DNM3: variants seen among roughly 807,000 people sequenced by gnomAD.
The protein encoded by DNM3 is dynamin-3.
DNM3 carries 47 observed loss-of-function variants against 101.6 expected under a neutral mutation model. The ratio of observed to expected loss-of-function variants is 0.46; its 90% CI spans 0.37 to 0.59. The LOEUF (loss-of-function observed/expected upper bound fraction) is 0.59. Ranked by LOEUF, DNM3 falls within the 20% of genes least tolerant of loss-of-function variation. DNM3 has a pLI of 0.00. For synonymous variants in DNM3, 385 were observed against 387.9 expected, an observed-to-expected ratio of 0.99 and a Z score of 0.09; for missense variants, 849 against 1,085.7, an observed-to-expected ratio of 0.78 and a Z score of 3.06.
chr1:171,924,919 G>A (rs1006442569), intron 2 of DNM3, among the ~76,000 whole-genome samples: 1 of 143,554 alleles, frequency 7.0e-6, no homozygotes, highest in East Asian at 2.1e-4. Flanking sequence ...CCCTTTTTGA[G>A]ATGGAGTCTC....
chr1:171,966,873 G>A (rs2043625866), intron 2 of DNM3, among the ~76,000 whole-genome samples: 1 of 152,186 alleles, frequency 6.6e-6, no homozygotes, highest in Non-Finnish European at 1.5e-5. Context: ...AAGGTTTGTA[G>A]TTGCTTATCA....
intron 2 of DNM3, among the ~76,000 whole-genome samples, chr1:171,929,192 T>C (rs1452798810): frequency 6.6e-6 from 1 of 151,980 alleles, no homozygotes; most frequent in Non-Finnish European, 1.5e-5. Flanking sequence ...AGAATGGTTA[T>C]GTTGCCCAAA....
chr1:172,046,583 GA>G lies in DNM3; in HGVS notation c.1197-2020del, dbSNP rs5778718. ...TAATAAAAAAAAGAAAGAAAAAAGA[GA>G]AAAAAAAATTTAGACAATCTGCTCC... On this transcript the variant is annotated intron_variant, in intron 9 of 20. Coordinates refer to ENST00000627582, the MANE Select transcript of DNM3 (RefSeq NM_015569.5). 3.2e-4 allele frequency among the ~76,000 whole-genome samples: 48 copies of G among 151,224 alleles called. No individual in the cohort carries two copies. The East Asian group carries it at 6.2e-3, about 20-fold the overall frequency.
intron 1 of DNM3, among the ~76,000 whole-genome samples, chr1:171,877,719 A>C (rs1028150741): frequency 5.3e-5 from 8 of 152,084 alleles, no homozygotes; most frequent in African/African-American, 9.7e-5. Flanking sequence ...TTAAAAAAAA[A>C]CTCTGCTTTT....
intron 15 of DNM3, among the ~76,000 whole-genome samples, chr1:172,303,779 A>G (rs2064604002): frequency 6.6e-6 from 1 of 152,182 alleles, no homozygotes; most frequent in African/African-American, 2.4e-5. Context: ...CAGCCAAACT[A>G]AGCTTCATAA....
intron 17 of DNM3, among the ~76,000 whole-genome samples, chr1:172,327,017 T>A (rs1338313277): frequency 6.6e-6 from 1 of 152,150 alleles, no homozygotes; most frequent in Non-Finnish European, 1.5e-5. Context: ...GAAGGATCAT[T>A]TTAAAGGAGA....
intron 15 of DNM3, among the ~76,000 whole-genome samples, chr1:172,259,366 T>G (rs2062550825): frequency 6.6e-6 from 1 of 152,134 alleles, no homozygotes; most frequent in Non-Finnish European, 1.5e-5. Context: ...CAACTATTCC[T>G]GTATTAGAGT....
At chr1:172,085,818 G>C (rs1038821960) in intron 12 of DNM3, among the ~76,000 whole-genome samples, 2 of 152,026 alleles carry the variant, frequency 1.3e-5, no homozygotes, top group African/African-American at 4.8e-5. Context: ...TACATTCTTA[G>C]TTTATTTTTC....
chr1:172,193,588 G>T (rs1365941444), intron 14 of DNM3, among the ~76,000 whole-genome samples: 1 of 152,070 alleles, frequency 6.6e-6, no homozygotes, highest in African/African-American at 2.4e-5. Context: ...TTTAGTCTTG[G>T]GAGGGTGTAT....
chr1:172,349,843 T>C (rs956635788), intron 17 of DNM3, among the ~76,000 whole-genome samples: 1 of 152,148 alleles, frequency 6.6e-6, no homozygotes, highest in Non-Finnish European at 1.5e-5. Flanking sequence ...GGTTGAGTGA[T>C]TATGTAAAAA....
intron 15 of DNM3, among the ~76,000 whole-genome samples, chr1:172,278,914 G>A (rs2063386613): frequency 2.0e-5 from 3 of 152,126 alleles, no homozygotes; most frequent in Non-Finnish European, 4.4e-5. Flanking sequence ...CACAAGATCA[G>A]TCTCCCCATG....
intron 11 of DNM3, among the ~76,000 whole-genome samples, chr1:172,076,367 C>T (rs1346943950): frequency 5.3e-5 from 8 of 152,010 alleles, no homozygotes; most frequent in Admixed American, 2.0e-4. Context: ...ACAGGAATGG[C>T]GAGAGAGGGA....
At chr1:172,080,157 G>A (rs1169418610) in intron 11 of DNM3, among the ~76,000 whole-genome samples, 1 of 152,158 alleles carries the variant, frequency 6.6e-6, no homozygotes, top group Non-Finnish European at 1.5e-5. Flanking sequence ...CACTGTGCTG[G>A]GAGATCCGTC....
At chr1:171,917,404 A>G (rs1392064860) in intron 1 of DNM3, among the ~76,000 whole-genome samples, 2 of 152,236 alleles carry the variant, frequency 1.3e-5, no homozygotes, top group Non-Finnish European at 2.9e-5. Flanking sequence ...TGGAAGAGCC[A>G]ATAAGAAATG....
intron 4 of DNM3, among the ~76,000 whole-genome samples, chr1:171,999,444 T>C (rs2046225861): frequency 6.6e-6 from 1 of 152,142 alleles, no homozygotes; most frequent in Admixed American, 6.6e-5. Context: ...ATTTTGGATA[T>C]GTAAAATCTG....
At chr1:171,947,483 A>G (rs1048995211) in intron 2 of DNM3, among the ~76,000 whole-genome samples, 2 of 152,052 alleles carry the variant, frequency 1.3e-5, no homozygotes, top group African/African-American at 4.8e-5. Flanking sequence ...TTTAAATTTC[A>G]TCATAACAGC....
chr1:172,232,707 TCAAG>T (rs1341269696), intron 14 of DNM3, among the ~76,000 whole-genome samples: 1 of 152,170 alleles, frequency 6.6e-6, no homozygotes, highest in Non-Finnish European at 1.5e-5. Flanking sequence ...CACAGTGCAA[TCAAG>T]CTAGAACTCA....
chr1:172,153,841 A>T lies in DNM3; in HGVS notation c.1659+22553A>T, dbSNP rs16843924. Among the ~76,000 whole-genome samples the T allele has an allele frequency of 5.8e-3, 886 of 152,246 alleles. 13 individuals carry two copies. Among genetic ancestry groups the T allele is most frequent in the African/African-American group, 0.019 (808 of 41,556 alleles). On this transcript the variant is annotated intron_variant, in intron 14 of 20. Transcript: ENST00000627582. ...TAAAGTAATTTTTCTATGAGCCAGT[A>T]GCTTTTGAATTTTTTAAACATTAAG...
At chr1:172,008,922 A>G (rs1296683381) in intron 4 of DNM3, among the ~76,000 whole-genome samples, 1 of 138,610 alleles carries the variant, frequency 7.2e-6, no homozygotes, top group East Asian at 2.0e-4. Context: ...ATTAAATATT[A>G]TATTAATTAA....
Sources: allele counts gnomAD v4.1 joint callset (sites outside exome capture counted in the v4.1 genomes callset), GRCh38; gene constraint gnomAD v4.1.1; transcripts MANE v1.5; gene names NCBI Gene and HGNC (gene_info 2026-07-23, HGNC 2026-07-21).